Variants in POGLUT3 observed in about 807,000 individuals in gnomAD.
POGLUT3 encodes the protein protein O-glucosyltransferase 3, also known as KDEL (Lys-Asp-Glu-Leu) containing 2.
Under a neutral mutation model 54.3 loss-of-function variants are expected in POGLUT3, and 48 were observed. The ratio of observed to expected loss-of-function variants is 0.88; its 90% CI spans 0.70 to 1.12. The LOEUF is 1.12. POGLUT3 is among the 50% of genes most tolerant of loss of function. POGLUT3 has a pLI of 0.00. For synonymous variants in POGLUT3, 218 were observed against 237.4 expected, an observed-to-expected ratio of 0.92 and a Z score of 0.75; for missense variants, 629 against 618.7, an observed-to-expected ratio of 1.02 and a Z score of -0.18.
chr11:108,474,818 T>C lies in POGLUT3; in HGVS notation c.*9A>G. On this transcript the variant is annotated 3_prime_UTR_variant, in exon 8 of 8. Transcript: ENST00000323468. ...GCCGGGATACACAGGAGTGTGATTC[T>C]GGGCTGACTCAAAGTTCTTCTCTTG... is the stretch of plus-strand genomic sequence containing the variant. 1.2e-6 allele frequency: 2 copies of C among 1,614,034 alleles called. No individual in the cohort carries two copies. Among genetic ancestry groups the C allele is most frequent in the East Asian group, 2.2e-5 (1 of 44,880 alleles).
chr11:108,481,314 T>A lies in POGLUT3; in HGVS notation c.964A>T (p.Arg322Trp). Residue 322 changes from arginine to tryptophan, a missense_variant, in exon 5 of 8, where the codon AGG (arginine) becomes TGG (tryptophan). By Grantham distance (101) the Arg-to-Trp change is moderately radical. Coordinates refer to ENST00000323468, the MANE Select transcript of POGLUT3 (RefSeq NM_153705.5). ...TTGGACAGCTGTACCAACTGGAGCC[T>A]CTCCTCTCGGCTGTCTCTACCTCTG... Reference protein sequence around the residue: ...FFRGRDSREERLQLVQLSKEN... With the variant: ...FFRGRDSREEWLQLVQLSKEN... 1 of 1,612,656 alleles carries A rather than the reference T, an allele frequency of 6.2e-7. No homozygotes were observed. The highest frequency in any genetic ancestry group is 1.1e-5 in the South Asian group (1 of 90,650).
intron 2 of POGLUT3, among the ~76,000 whole-genome samples, chr11:108,488,783 T>C (rs1166404645): frequency 6.6e-6 from 1 of 152,138 alleles, no homozygotes; most frequent in East Asian, 1.9e-4. Flanking sequence ...ACATCTAAGA[T>C]ATTTGCCACC....
At position 108,486,183 on chromosome 11, in the gene POGLUT3, C is replaced by T. The variant is rs149723966; in HGVS notation, c.658G>A (p.Glu220Lys). The T allele has an allele frequency of 3.3e-4, 526 of 1,611,744 alleles. 1 individual carries two copies. The African/African-American group carries it at 6.0e-3, about 18-fold the overall frequency. The change falls in exon 3 of 8, where the codon GAG (glutamate) becomes AAG (lysine). Residue 220 changes from glutamate to lysine, a missense_variant. Physicochemically the swap from Glu to Lys is moderately conservative, Grantham distance 56. Transcript: ENST00000323468. ...TTTCTTGTCAATGATAACAAAATCT[C>T]ATCAGAGAACATCTTGAAGTCTGTG... ...KYTDFKMFSD[E>K]ILLSLTRKVL...
chr11:108,494,741 G>T (rs1265661368), intron 1 of POGLUT3, among the ~76,000 whole-genome samples: 1 of 152,212 alleles, frequency 6.6e-6, no homozygotes, highest in Admixed American at 6.5e-5. Flanking sequence ...GATGAAGGTA[G>T]AAGACTGAGT....
At chr11:108,487,916 G>A (rs1220285246) in intron 2 of POGLUT3, among the ~76,000 whole-genome samples, 3 of 149,014 alleles carry the variant, frequency 2.0e-5, no homozygotes, top group African/African-American at 5.0e-5. Flanking sequence ...CTGGCCATAA[G>A]TTTGACTCTT....
intron 5 of POGLUT3, 139 bp from the exon 6 acceptor site, chr11:108,479,634 A>G (rs2093589028): frequency 3.8e-6 from 2 of 531,202 alleles, no homozygotes; most frequent in Admixed American, 7.9e-5. Flanking sequence ...GTTTTATTTT[A>G]TAACTTACAT....
chr11:108,488,443 G>C (rs2093607525), intron 2 of POGLUT3, among the ~76,000 whole-genome samples: 1 of 152,196 alleles, frequency 6.6e-6, no homozygotes, highest in Admixed American at 6.5e-5. Context: ...AGGGAGCTTT[G>C]AGGTTGTAGT....
rs778340304 is a variant in POGLUT3 at position 108,474,883 on chromosome 11, C to T, written c.1468G>A (p.Asp490Asn). Reference protein sequence around the residue: ...DGMELVPQPEDSTAICQCHRK... With the variant: ...DGMELVPQPENSTAICQCHRK... ...TGGCACTGGCAGATGGCTGTGCTATCTTCTGGCTGAGGAACAAGTTCCATT... is the reference window on the plus strand; with the variant it reads ...TGGCACTGGCAGATGGCTGTGCTATTTTCTGGCTGAGGAACAAGTTCCATT... The change falls in exon 8 of 8, where the codon GAT (aspartate) becomes AAT (asparagine). Residue 490 changes from aspartate to asparagine, a missense_variant. Transcript: ENST00000323468. The T allele has an allele frequency of 5.6e-6, 9 of 1,614,092 alleles. No homozygotes were observed. The highest frequency in any genetic ancestry group is 1.7e-4 in the Middle Eastern group (1 of 6,042).
At chr11:108,497,524 G>A (rs1197572018) in intron 1 of POGLUT3, among the ~76,000 whole-genome samples, 1 of 152,236 alleles carries the variant, frequency 6.6e-6, no homozygotes, top group African/African-American at 2.4e-5. Context: ...GTTAAGACGT[G>A]AAGGACAACG....
At chr11:108,491,294 C>A (rs1011887712) in intron 1 of POGLUT3, 127 bp from the exon 2 acceptor site, 63 of 724,288 alleles carry the variant, frequency 8.7e-5, no homozygotes, top group Non-Finnish European at 1.4e-4. Flanking sequence ...AAAAAAAAAT[C>A]ATTTCCTTTG....
chr11:108,482,986 C>T (rs897488185), intron 3 of POGLUT3, among the ~76,000 whole-genome samples: 1 of 152,136 alleles, frequency 6.6e-6, no homozygotes, highest in Non-Finnish European at 1.5e-5. Flanking sequence ...TCAGTTTAGA[C>T]TCTCATCATT....
In POGLUT3 at chr11:108,473,189, T is replaced by A. The variant is rs1220567888; in HGVS notation, c.*1638A>T. 6.6e-6 allele frequency: 1 copy of A among 152,354 alleles called. No homozygotes were observed. The highest frequency in any genetic ancestry group is 2.4e-5 in the African/African-American group (1 of 41,448). The allele number at this position is 152,354 out of a possible 1,614,324, so 9.4% of individuals were successfully genotyped here. On this transcript the variant is annotated 3_prime_UTR_variant, in exon 8 of 8. Transcript: ENST00000323468. ...CTCCTGCCTCAGCCTCCCGAGTAGCTGGGATTACAGGCAAATGCCACCATG... is the reference window on the plus strand; with the variant it reads ...CTCCTGCCTCAGCCTCCCGAGTAGCAGGGATTACAGGCAAATGCCACCATG...
chr11:108,487,670 G>A (rs1053337683), intron 2 of POGLUT3, among the ~76,000 whole-genome samples: 2 of 152,090 alleles, frequency 1.3e-5, no homozygotes, highest in Middle Eastern at 3.2e-3. Context: ...GGAGTGTAGT[G>A]GCGTGATCTC....
chr11:108,475,475 T>G (rs11212663), intron 7 of POGLUT3, among the ~76,000 whole-genome samples: 50,336 of 143,766 alleles, frequency 0.35, 10,435 homozygotes, highest in East Asian at 0.52. Flanking sequence ...TTTTGTTTTT[T>G]TTTTTTTTTG....
intron 1 of POGLUT3, among the ~76,000 whole-genome samples, chr11:108,493,425 A>G (rs1393516692): frequency 1.3e-5 from 2 of 152,248 alleles, no homozygotes; most frequent in African/African-American, 4.8e-5. Context: ...CATAAAAGAG[A>G]AAATGAGAAG....
At chr11:108,479,206 T>C in intron 6 of POGLUT3, 95 bp downstream of exon 6, 1 of 804,170 alleles carries the variant, frequency 1.2e-6, no homozygotes, top group Non-Finnish European at 1.9e-6. Context: ...TTCTTTTCAT[T>C]CCATTATGTC....
intron 7 of POGLUT3, among the ~76,000 whole-genome samples, chr11:108,475,457 T>C (rs2093579381): frequency 8.0e-6 from 1 of 125,738 alleles, no homozygotes; most frequent in African/African-American, 3.2e-5. Context: ...AAATGGAGTT[T>C]TTTTTGTTTT....
At chr11:108,476,778 A>C (rs1298209892) in intron 7 of POGLUT3, among the ~76,000 whole-genome samples, 1 of 152,174 alleles carries the variant, frequency 6.6e-6, no homozygotes, top group East Asian at 1.9e-4. Context: ...AAGGTGTTAG[A>C]ACTGTTATAC....
chr11:108,481,332 T>C lies in POGLUT3; in HGVS notation c.946A>G (p.Arg316Gly). The C allele has an allele frequency of 1.9e-6, 3 of 1,604,482 alleles. No individual in the cohort carries two copies. Among genetic ancestry groups the C allele is most frequent in the South Asian group, 2.3e-5 (2 of 87,840 alleles). The change falls in exon 5 of 8, where the codon AGA (arginine) becomes GGA (glycine). Residue 316 changes from arginine to glycine, a missense_variant. Arg to Gly is a moderately radical substitution (Grantham distance 125). Transcript: ENST00000323468. ...TGGAGCCTCTCCTCTCGGCTGTCTC[T>C]ACCTCTGAAGAAAGCTCTCTCTGTT... is the stretch of plus-strand genomic sequence containing the variant. Reference protein sequence around the residue: ...NKTERAFFRGRDSREERLQLV... With the variant: ...NKTERAFFRGGDSREERLQLV...
Sources: allele counts gnomAD v4.1 joint callset (sites outside exome capture counted in the v4.1 genomes callset), GRCh38; gene constraint gnomAD v4.1.1; transcripts MANE v1.5; gene names NCBI Gene and HGNC (gene_info 2026-07-23, HGNC 2026-07-21).